LAMC3: variants seen among roughly 807,000 people sequenced by gnomAD.
The protein encoded by LAMC3 is laminin subunit gamma 3.
In LAMC3, 128 loss-of-function variants were observed where a neutral mutation model predicts 173.8. That is an observed-to-expected ratio of 0.74 (90% CI 0.64 to 0.85). The LOEUF is 0.85. Ranked by LOEUF, LAMC3 falls within the 40% of genes least tolerant of loss-of-function variation. LAMC3 has a pLI of 0.00. For synonymous variants in LAMC3, 897 were observed against 909.1 expected (o/e 0.99, Z 0.24); for missense variants, 2,022 against 2,156.0 (o/e 0.94, Z 1.23).
chr9:131,009,180 G>A lies in LAMC3; in HGVS notation c.-35G>A, dbSNP rs1833354026. 1.4e-5 allele frequency: 16 copies of A among 1,177,486 alleles called. No homozygotes were observed. The highest frequency in any genetic ancestry group is 4.6e-5 in the Admixed American group (1 of 21,592). The allele number at this position is 1,177,486 out of a possible 1,614,324, so 72.9% of individuals were successfully genotyped here. A position where few individuals can be genotyped will look rare whatever the true frequency, so the allele number is the denominator to read the frequency against. On this transcript the variant is annotated 5_prime_UTR_variant, in exon 1 of 28. Coordinates refer to ENST00000361069, the MANE Select transcript of LAMC3 (RefSeq NM_006059.4). This position sits in a 1 kb window ranked among gnomAD's most constrained non-coding sequence, Gnocchi z 4.3. The stretch of plus-strand genomic sequence containing the variant: ...GTCCGCGCCCACCCTAGCCGAGCGG[G>A]GCCGGCAGAGCGCGCGGCGTCGGTG...
rs1001573222 is a variant in LAMC3, at chr9:131,009,944, A to T, written c.373+357A>T. Among the ~76,000 whole-genome samples, 3 of 151,842 alleles carry T rather than the reference A, an allele frequency of 2.0e-5. No homozygotes were observed. The highest frequency in any genetic ancestry group is 7.3e-5 in the African/African-American group (3 of 41,342). On this transcript the variant is annotated intron_variant, in intron 1 of 27. Coordinates refer to ENST00000361069, the MANE Select transcript of LAMC3 (RefSeq NM_006059.4). This position sits in a 1 kb window ranked among gnomAD's most constrained non-coding sequence, Gnocchi z 4.3. ...CGAGGCGGGCGGATCACCTGAGGTC[A>T]GGAGTTCGAGACCAGCCTGGCCAAC...
At chr9:131,024,953 C>T (rs944930419) in intron 1 of LAMC3, among the ~76,000 whole-genome samples, 1 of 152,012 alleles carries the variant, frequency 6.6e-6, no homozygotes, top group Non-Finnish European at 1.5e-5. Context: ...AGTTGGGCTT[C>T]TGTGAGGAGG....
intron 24 of LAMC3, among the ~76,000 whole-genome samples, chr9:131,084,356 G>T (rs974122716): frequency 6.6e-6 from 1 of 151,864 alleles, no homozygotes. Flanking sequence ...GTCTATAGGT[G>T]TGTGCCACCA....
intron 7 of LAMC3, among the ~76,000 whole-genome samples, chr9:131,045,252 A>AAAC (rs1834132489): frequency 1.3e-5 from 2 of 151,382 alleles, no homozygotes; most frequent in Admixed American, 1.3e-4. Context: ...ACAACAAAAA[A>AAAC]ACAAAACCTA....
rs533145657 is a variant in LAMC3, at chr9:131,030,267, A to G, written c.679-1778A>G. On this transcript the variant is annotated intron_variant, in intron 2 of 27. Transcript: ENST00000361069. ...AAAATGACTTTTAAGGCATCAAGACAGTCCCCCTGCAATTGAGGCTAAGGC... is the reference window on the plus strand; with the variant it reads ...AAAATGACTTTTAAGGCATCAAGACGGTCCCCCTGCAATTGAGGCTAAGGC... Among the ~76,000 whole-genome samples the G allele has an allele frequency of 1.1e-4, 17 of 152,344 alleles. 1 individual carries two copies. The East Asian group carries it at 2.9e-3, about 26-fold the overall frequency.
chr9:131,092,114 C>T lies in LAMC3; in HGVS notation c.*327C>T, dbSNP rs1830438415. The T allele has an allele frequency of 2.4e-6, 1 of 420,498 alleles. No individual in the cohort carries two copies. The highest frequency in any genetic ancestry group is 4.4e-6 in the Non-Finnish European group (1 of 225,174). 26.0% of individuals were successfully genotyped at this position (420,498 alleles called of 1,614,324 possible). On this transcript the variant is annotated 3_prime_UTR_variant, in exon 28 of 28. Coordinates refer to ENST00000361069, the MANE Select transcript of LAMC3 (RefSeq NM_006059.4). Reference sequence around the variant, plus strand: ...GACCCACACGTGTTCAAGTCTAATCCATCCAGTCAGCAGCTTACGGTCCAC... The same window carrying T: ...GACCCACACGTGTTCAAGTCTAATCTATCCAGTCAGCAGCTTACGGTCCAC...
intron 6 of LAMC3, among the ~76,000 whole-genome samples, chr9:131,039,895 A>G (rs2133256920): frequency 6.6e-6 from 1 of 151,952 alleles, no homozygotes; most frequent in South Asian, 2.1e-4. Context: ...GGAGAGAGGG[A>G]CAGGGGCTCC....
intron 2 of LAMC3, among the ~76,000 whole-genome samples, chr9:131,031,682 C>T (rs539464356): frequency 6.6e-6 from 1 of 152,194 alleles, no homozygotes; most frequent in Non-Finnish European, 1.5e-5. Flanking sequence ...CCCCTGCCCG[C>T]CCAAACCTCA....
Position 131,054,818 on chromosome 9 carries a change from A to G in LAMC3, c.1939+1853A>G, listed in dbSNP as rs540541438. 8.8e-4 allele frequency among the ~76,000 whole-genome samples: 103 copies of G among 117,582 alleles called. 2 individuals carry two copies. In the East Asian group the frequency reaches 0.02, roughly 22 times the overall value. The allele number at this position is 117,582 out of a possible 152,430, so 77.1% of individuals were successfully genotyped here. A position where few individuals can be genotyped will look rare whatever the true frequency, so the allele number is the denominator to read the frequency against. On this transcript the variant is annotated intron_variant, in intron 11 of 27. Transcript: ENST00000361069. Reference sequence around the variant, plus strand: ...AGAGAGAGAGAGTGAGAGAGAGAGAAAGAAAGAAGAAGGGAGGGAGGGAGC... The same window carrying G: ...AGAGAGAGAGAGTGAGAGAGAGAGAGAGAAAGAAGAAGGGAGGGAGGGAGC...
chr9:131,080,014 CT>C (rs1163528146), intron 23 of LAMC3, among the ~76,000 whole-genome samples: 1 of 152,186 alleles, frequency 6.6e-6, no homozygotes, highest in African/African-American at 2.4e-5. Context: ...GCTCTATTGC[CT>C]GGGCTAGAGT....
intron 8 of LAMC3, among the ~76,000 whole-genome samples, chr9:131,048,553 T>C (rs570213460): frequency 3.8e-4 from 58 of 152,212 alleles, no homozygotes; most frequent in Admixed American, 3.7e-3. Flanking sequence ...CTGTGCTCCG[T>C]GTTAACTGCT....
intron 1 of LAMC3, among the ~76,000 whole-genome samples, chr9:131,020,847 C>T (rs562129646): frequency 6.6e-6 from 1 of 152,148 alleles, no homozygotes; most frequent in Non-Finnish European, 1.5e-5. Flanking sequence ...TTTTTCCCCC[C>T]CAAATACATG....
chr9:131,045,232 A>AAC (rs1240583901), intron 7 of LAMC3, among the ~76,000 whole-genome samples: 2 of 121,174 alleles, frequency 1.7e-5, no homozygotes, highest in East Asian at 4.5e-4. Flanking sequence ...AAAAAAAAAA[A>AAC]AAAACAACAA....
At chr9:131,061,301 G>A (rs1028578467) in intron 13 of LAMC3, 78 bp downstream of exon 13, 30 of 1,299,202 alleles carry the variant, frequency 2.3e-5, no homozygotes, top group African/African-American at 2.9e-5. Flanking sequence ...GGGCTCCAGG[G>A]TTAGGGCCCT....
chr9:131,038,092 G>A (rs1254580028), intron 4 of LAMC3, among the ~76,000 whole-genome samples: 1 of 152,194 alleles, frequency 6.6e-6, no homozygotes, highest in Non-Finnish European at 1.5e-5. Flanking sequence ...TCCTGTCTGC[G>A]ACGCCCTTCC....
chr9:131,059,121 G>A lies in LAMC3; in HGVS notation c.2159-1914G>A, dbSNP rs1588156088. 2.0e-5 allele frequency among the ~76,000 whole-genome samples: 3 copies of A among 151,798 alleles called. No individual in the cohort carries two copies. The South Asian group carries it at 6.2e-4, about 32-fold the overall frequency. On this transcript the variant is annotated intron_variant, in intron 12 of 27. Coordinates refer to ENST00000361069, the MANE Select transcript of LAMC3 (RefSeq NM_006059.4). ...TGAGGCATGAGAATTGCTTCAACCT[G>A]GGAGATGGAGGTTGTAGTGAGCCGG... is the stretch of plus-strand genomic sequence containing the variant.
intron 4 of LAMC3, 78 bp downstream of exon 4, chr9:131,036,410 C>A: frequency 6.5e-7 from 1 of 1,541,402 alleles, no homozygotes; most frequent in Non-Finnish European, 8.9e-7. Flanking sequence ...CCCAAAACGT[C>A]GTGGTGGGGG....
chr9:131,041,500 C>T, intron 6 of LAMC3, 137 bp from the exon 7 acceptor site: 2 of 763,124 alleles, frequency 2.6e-6, no homozygotes, highest in Non-Finnish European at 2.3e-6. Flanking sequence ...AAGATGGGAA[C>T]AGTAAAGCCA....
At chr9:131,023,758 A>G (rs942265217) in intron 1 of LAMC3, among the ~76,000 whole-genome samples, 22 of 152,210 alleles carry the variant, frequency 1.4e-4, no homozygotes, top group Middle Eastern at 3.4e-3. Flanking sequence ...ACGGGCCACC[A>G]TGCTCAGCTC....
Sources: gnomAD v4.1 joint callset for allele counts (sites outside exome capture counted in the v4.1 genomes callset) on GRCh38, gnomAD v4.1.1 for gene constraint, Gnocchi (gnomAD v3.1) non-coding constraint, MANE v1.5 for transcripts, NCBI Gene and HGNC (gene_info 2026-07-23, HGNC 2026-07-21) for gene names.